The following SPAG17 variants were observed in gnomAD, a reference collection of about 807,000 sequenced individuals.
The protein encoded by SPAG17 is sperm associated antigen 17, also known as sperm-associated antigen 17.
A neutral mutation model predicts 273.6 loss-of-function variants in SPAG17; 169 were observed. The observed-to-expected ratio is 0.62, with a 90% CI of 0.55 to 0.70. The LOEUF (loss-of-function observed/expected upper bound fraction) is 0.70. Ranked by LOEUF, SPAG17 falls within the 30% of genes least tolerant of loss-of-function variation. The pLI is 0.00. For synonymous variants in SPAG17, 825 were observed against 873.2 expected (o/e 0.94, Z 0.97); for missense variants, 2,557 against 2,627.8 (o/e 0.97, Z 0.59).
intron 18 of SPAG17, among the ~76,000 whole-genome samples, chr1:118,059,074 G>A (rs538577580): frequency 6.6e-6 from 1 of 152,208 alleles, no homozygotes; most frequent in East Asian, 1.9e-4. Context: ...AAATCTAGAT[G>A]TCATGCATGA....
chr1:117,973,400 G>A (rs978431927), intron 44 of SPAG17, 25 bp downstream of exon 44: 3 of 1,606,318 alleles, frequency 1.9e-6, no homozygotes, highest in Non-Finnish European at 2.6e-6. Context: ...TGGCTGTGGG[G>A]AATTTGTTCC....
intron 10 of SPAG17, among the ~76,000 whole-genome samples, chr1:118,090,367 A>G (rs896720709): frequency 9.2e-5 from 14 of 152,238 alleles, no homozygotes; most frequent in African/African-American, 3.1e-4. Flanking sequence ...AAAAAATTAG[A>G]AATCATCAGT....
intron 7 of SPAG17, among the ~76,000 whole-genome samples, chr1:118,094,966 C>T (rs1324320466): frequency 2.6e-5 from 4 of 152,170 alleles, no homozygotes; most frequent in African/African-American, 9.7e-5. Context: ...TCTGTAGAGA[C>T]CTGAATGTTT....
chr1:118,111,488 CA>C, intron 4 of SPAG17, among the ~76,000 whole-genome samples: 1 of 151,412 alleles, frequency 6.6e-6, no homozygotes, highest in Non-Finnish European at 1.5e-5. Context: ...ATTTTAACCA[CA>C]ACTGAATCAA....
In SPAG17 at chr1:117,953,618, AC is replaced by A; in HGVS notation, c.*431del. 6.7e-7 allele frequency: 1 copy of A among 1,489,330 alleles called. No individual in the cohort carries two copies. 92.3% of individuals were successfully genotyped at this position (1,489,330 alleles called of 1,614,324 possible). On this transcript the variant is annotated 3_prime_UTR_variant, in exon 49 of 49. Transcript: ENST00000336338. Reference sequence around the variant, plus strand: ...TTAGTAAAAGTTTTATTCTGTATCAACCAGAAAGCCATTTTTTTGGCAAAAA... The same window carrying A: ...TTAGTAAAAGTTTTATTCTGTATCAACAGAAAGCCATTTTTTTGGCAAAAA...
chr1:117,993,743 C>G (rs1657354816), intron 35 of SPAG17, among the ~76,000 whole-genome samples: 1 of 152,188 alleles, frequency 6.6e-6, no homozygotes, highest in Non-Finnish European at 1.5e-5. Context: ...AATAGCTTCA[C>G]TGATTTAATT....
intron 43 of SPAG17, among the ~76,000 whole-genome samples, chr1:117,976,108 A>G (rs1327074714): frequency 6.6e-6 from 1 of 152,182 alleles, no homozygotes; most frequent in Non-Finnish European, 1.5e-5. Context: ...ATGTGAACCC[A>G]GGTAGAGCCT....
chr1:118,142,853 G>A (rs947663810), intron 3 of SPAG17, among the ~76,000 whole-genome samples: 4 of 152,202 alleles, frequency 2.6e-5, no homozygotes, highest in Non-Finnish European at 5.9e-5. Flanking sequence ...CACCAAACTA[G>A]TGGTAGGTAC....
At chr1:118,058,926 C>T (rs1052037688) in intron 18 of SPAG17, among the ~76,000 whole-genome samples, 3 of 152,130 alleles carry the variant, frequency 2.0e-5, no homozygotes, top group African/African-American at 4.8e-5. Flanking sequence ...TAAATTTGCA[C>T]ACACATGCTA....
chr1:118,047,921 A>G (rs1183344297), intron 20 of SPAG17, among the ~76,000 whole-genome samples: 1 of 152,214 alleles, frequency 6.6e-6, no homozygotes, highest in Non-Finnish European at 1.5e-5. Context: ...CAAAAGGTCC[A>G]GGCCTGCTCT....
chr1:118,111,147 T>G (rs2102245367), intron 4 of SPAG17, among the ~76,000 whole-genome samples: 1 of 152,348 alleles, frequency 6.6e-6, no homozygotes, highest in Admixed American at 6.5e-5. Flanking sequence ...TTTAAAGTAC[T>G]ACTGTATGTT....
At chr1:118,053,707 C>T (rs1423757625) in intron 20 of SPAG17, among the ~76,000 whole-genome samples, 1 of 151,598 alleles carries the variant, frequency 6.6e-6, no homozygotes, top group African/African-American at 2.4e-5. Context: ...GGAATCAACC[C>T]GGTAGAATCA....
chr1:117,990,966 A>G (rs1657008553), intron 37 of SPAG17, 60 bp from the exon 38 acceptor site: 2 of 969,836 alleles, frequency 2.1e-6, no homozygotes, highest in East Asian at 5.6e-5. Flanking sequence ...TACTTTGTTT[A>G]GAAACATTCT....
intron 43 of SPAG17, among the ~76,000 whole-genome samples, chr1:117,979,247 C>T (rs1655486532): frequency 6.6e-6 from 1 of 152,142 alleles, no homozygotes; most frequent in African/African-American, 2.4e-5. Flanking sequence ...TCAGGACAGC[C>T]ATTCTCAAGG....
At chr1:118,075,247 C>A (rs532051173) in intron 15 of SPAG17, among the ~76,000 whole-genome samples, 11 of 152,272 alleles carry the variant, frequency 7.2e-5, no homozygotes, top group African/African-American at 2.2e-4. Flanking sequence ...TGGACCAATA[C>A]GAGTCATGCA....
Position 118,040,834 on chromosome 1 carries a change from C to T in SPAG17, c.3062G>A (p.Gly1021Glu). The T allele has an allele frequency of 1.3e-6, 2 of 1,557,694 alleles. No homozygotes were observed. The highest frequency in any genetic ancestry group is 1.1e-5 in the South Asian group (1 of 89,982). ...AGTGGGTATATTTCCCATATTGTAT[C>T]CGTGAAACTAGAAGAGAAAATATTA... ...PEPKITYPFH[G>E]YNMGNIPTQI... Residue 1021 changes from glycine to glutamate, a missense_variant, in exon 22 of 49, where the codon GGA becomes GAA. Physicochemically the swap from Gly to Glu is moderately conservative, Grantham distance 98. Transcript: ENST00000336338.
intron 20 of SPAG17, among the ~76,000 whole-genome samples, chr1:118,044,267 A>G (rs1030904349): frequency 2.7e-4 from 41 of 152,164 alleles, no homozygotes; most frequent in Non-Finnish European, 6.0e-4. Context: ...CGGGTGGATC[A>G]CAAGGTCAGG....
chr1:118,085,825 A>G, intron 13 of SPAG17, 97 bp downstream of exon 13: 1 of 1,249,712 alleles, frequency 8.0e-7, no homozygotes, highest in Non-Finnish European at 1.1e-6. Context: ...GTCTTTCAAT[A>G]ATGAAAATAC....
intron 23 of SPAG17, among the ~76,000 whole-genome samples, chr1:118,037,429 G>A (rs1427491801): frequency 6.6e-6 from 1 of 152,060 alleles, no homozygotes; most frequent in Non-Finnish European, 1.5e-5. Context: ...GGGGTTTGGT[G>A]TACAGACACT....
Sources: allele counts gnomAD v4.1 joint callset (sites outside exome capture counted in the v4.1 genomes callset), GRCh38; gene constraint gnomAD v4.1.1; transcripts MANE v1.5; gene names NCBI Gene and HGNC (gene_info 2026-07-23, HGNC 2026-07-21).